Variants in RBBP8NL observed in about 807,000 individuals in gnomAD.
RBBP8NL encodes RBBP8 N-terminal-like protein.
Under a neutral mutation model 62.2 loss-of-function variants are expected in RBBP8NL, and 59 were observed. The ratio of observed to expected loss-of-function variants is 0.95; its 90% CI spans 0.77 to 1.18. The LOEUF (loss-of-function observed/expected upper bound fraction) is 1.18. Among genes scored for constraint, RBBP8NL ranks in the 50% most tolerant of loss-of-function variants. The pLI is 0.00. For synonymous variants in RBBP8NL, 412 were observed against 394.1 expected, an observed-to-expected ratio of 1.05 and a Z score of -0.54; for missense variants, 896 against 899.5, an observed-to-expected ratio of 1.00 and a Z score of 0.05.
intron 1 of RBBP8NL, among the ~76,000 whole-genome samples, chr20:62,425,141 C>G (rs1199741454): frequency 6.6e-6 from 1 of 152,194 alleles, no homozygotes; most frequent in Non-Finnish European, 1.5e-5. Context: ...ACAGGTAATG[C>G]CTGTGTGGCC....
At chr20:62,415,537 G>A (rs370617316) in intron 8 of RBBP8NL, 41 bp downstream of exon 8, 82 of 1,599,068 alleles carry the variant, frequency 5.1e-5, no homozygotes, top group East Asian at 2.0e-4. Flanking sequence ...TGCCTGCGCC[G>A]GCCCAGCTGC....
chr20:62,417,392 TG>T (rs916633472), intron 3 of RBBP8NL, 73 bp from the exon 4 acceptor site: 13 of 1,244,594 alleles, frequency 1.0e-5, no homozygotes, highest in African/African-American at 6.3e-5. Context: ...CCATCCAGCC[TG>T]GGGGGGCAGC....
intron 1 of RBBP8NL, among the ~76,000 whole-genome samples, chr20:62,420,546 C>A (rs61256271): frequency 0.023 from 3,519 of 152,186 alleles, 152 homozygotes; most frequent in African/African-American, 0.08. Context: ...ACACATACAA[C>A]ACATATGTAC....
rs924101524 is a variant in RBBP8NL at position 62,416,982 on chromosome 20, T to G, written c.201-110A>C. The G allele has an allele frequency of 5.8e-6, 5 of 868,860 alleles. No individual in the cohort carries two copies. The African/African-American group carries it at 6.7e-5, about 12-fold the overall frequency. The allele number at this position is 868,860 out of a possible 1,614,324, so 53.8% of individuals were successfully genotyped here. ...AGTGCCCCTGCCCTTTGCAAACTAT[T>G]CCGTAGAGCCCCAGGCCTCTTCCCA... On this transcript the variant is annotated intron_variant, in intron 4 of 13. Coordinates refer to ENST00000252998, the MANE Select transcript of RBBP8NL (RefSeq NM_080833.3).
chr20:62,411,787 C>A (rs992359019), intron 13 of RBBP8NL, among the ~76,000 whole-genome samples: 2 of 152,248 alleles, frequency 1.3e-5, no homozygotes, highest in Non-Finnish European at 2.9e-5. Context: ...CCCCCCGGGG[C>A]CATTTCCACC....
At chr20:62,412,584 C>G in intron 13 of RBBP8NL, 40 bp downstream of exon 13, 1 of 1,592,746 alleles carries the variant, frequency 6.3e-7, no homozygotes. Flanking sequence ...CTGTGGCTCC[C>G]CTCGCCCCCT....
chr20:62,418,899 A>C (rs1008460975), intron 2 of RBBP8NL, among the ~76,000 whole-genome samples: 1 of 152,106 alleles, frequency 6.6e-6, no homozygotes. Flanking sequence ...GGCTAGCCCC[A>C]GCAGCCCCAC....
At chr20:62,419,115 C>T (rs1229123252) in intron 2 of RBBP8NL, among the ~76,000 whole-genome samples, 1 of 152,136 alleles carries the variant, frequency 6.6e-6, no homozygotes, top group Non-Finnish European at 1.5e-5. Context: ...AGCTCAGTGC[C>T]TTGACATGTT....
At chr20:62,412,004 G>T (rs979373390) in intron 13 of RBBP8NL, among the ~76,000 whole-genome samples, 7 of 152,270 alleles carry the variant, frequency 4.6e-5, no homozygotes, top group Non-Finnish European at 8.8e-5. Context: ...CCCAGCTGGA[G>T]CTGCCATTGA....
At chr20:62,416,283 A>C in intron 5 of RBBP8NL, 47 bp from the exon 6 acceptor site, 6 of 110,640 alleles carry the variant, frequency 5.4e-5, no homozygotes, top group Non-Finnish European at 1.1e-4. Context: ...TGGGGGGGAC[A>C]GGGGCAGGGG....
rs561163261 is a variant in RBBP8NL, at chr20:62,418,787, G to A, written c.62-322C>T. On this transcript the variant is annotated intron_variant, in intron 2 of 13. Coordinates refer to ENST00000252998, the MANE Select transcript of RBBP8NL (RefSeq NM_080833.3). ...TAGAGGGACCGAGGGGCCATTTTGT[G>A]TGTGTGTGTGTGTCATAGCTAGTGT... 2.2e-4 allele frequency among the ~76,000 whole-genome samples: 34 copies of A among 151,642 alleles called. 1 individual carries two copies. In the South Asian group the frequency reaches 6.9e-3, roughly 31 times the overall value.
At position 62,421,992 on chromosome 20, in the gene RBBP8NL, C is replaced by T. The variant is rs370117285; in HGVS notation, c.-83-2262G>A. On this transcript the variant is annotated intron_variant, in intron 1 of 13. Coordinates refer to ENST00000252998, the MANE Select transcript of RBBP8NL (RefSeq NM_080833.3). ...ACCTGAACAACTGTGTCGGCCTCCT[C>T]CCTGCCTGGCCTCCTGCTCAACCTT... Among the ~76,000 whole-genome samples, 70 of 152,314 alleles carry T rather than the reference C, an allele frequency of 4.6e-4. No individual in the cohort carries two copies. In the East Asian group the frequency reaches 8.7e-3, roughly 19 times the overall value.
intron 5 of RBBP8NL, 46 bp from the exon 6 acceptor site, chr20:62,416,282 C>CCG: frequency 4.7e-6 from 1 of 214,796 alleles, no homozygotes. Context: ...TTGGGGGGGA[C>CCG]AGGGGCAGGG....
chr20:62,426,015 AGCGGCAG>A lies in RBBP8NL; in HGVS notation c.-84+1438_-84+1444del, dbSNP rs1569028974. On this transcript the variant is annotated intron_variant, in intron 1 of 13. Transcript: ENST00000252998. ...CAGTGGGAGTGGCAGTGGCAGTGGCAGCGGCAGTGGCATTAGCAGTGGCAGTGGCAGT... is the reference window on the plus strand; with the variant it reads ...CAGTGGGAGTGGCAGTGGCAGTGGCATGGCATTAGCAGTGGCAGTGGCAGT... Among the ~76,000 whole-genome samples, 162 of 58,424 alleles carry A rather than the reference AGCGGCAG, an allele frequency of 2.8e-3. 7 individuals carry two copies. The highest frequency in any genetic ancestry group is 0.016 in the African/African-American group (161 of 10,272). 38.3% of individuals were successfully genotyped at this position (58,424 alleles called of 152,430 possible).
rs768585184 is a variant in RBBP8NL, at chr20:62,416,849, C to T, written c.224G>A (p.Arg75His). The T allele has an allele frequency of 6.4e-6, 10 of 1,573,072 alleles. No homozygotes were observed. The highest frequency in any genetic ancestry group is 1.7e-4 in the Middle Eastern group (1 of 5,886). ...GGCCAGCTCCTGGGTGACCATGCAG[C>T]GGTCGCACAGGCCGGCCCGCAGCCT... Reference protein sequence around the residue: ...ENRLRAGLCDRCMVTQELARK... With the variant: ...ENRLRAGLCDHCMVTQELARK... Residue 75 changes from arginine to histidine, a missense_variant, in exon 5 of 14, where the codon CGC (arginine) becomes CAC (histidine). By Grantham distance (29) the Arg-to-His change is conservative (BLOSUM62 0). Transcript: ENST00000252998.
rs1297531741 is a variant in RBBP8NL at position 62,415,830 on chromosome 20, C to T, written c.502G>A (p.Glu168Lys). 2.5e-6 allele frequency: 4 copies of T among 1,612,418 alleles called. No individual in the cohort carries two copies. The African/African-American group carries it at 5.3e-5, about 22-fold the overall frequency. ...ACGCCCTGGTGGTCTTCCTCAGCCT[C>T]CTCGTGGCCTCCCGGTGGCTTCTCT... is the stretch of plus-strand genomic sequence containing the variant. ...ITEKPPGGHE[E>K]AEEDHQGVGL... The change falls in exon 7 of 14, where the codon GAG (glutamate) becomes AAG (lysine). Residue 168 changes from glutamate (E) to lysine (K), a missense_variant. By Grantham distance (56) the Glu-to-Lys change is moderately conservative. Coordinates refer to ENST00000252998, the MANE Select transcript of RBBP8NL (RefSeq NM_080833.3).
chr20:62,420,352 A>G (rs1250695316), intron 1 of RBBP8NL, among the ~76,000 whole-genome samples: 21 of 86,872 alleles, frequency 2.4e-4, no homozygotes, highest in Admixed American at 1.6e-3. Flanking sequence ...TCCCACAGGC[A>G]CACACACACA....
At chr20:62,421,941 A>G (rs1014581108) in intron 1 of RBBP8NL, among the ~76,000 whole-genome samples, 12 of 152,232 alleles carry the variant, frequency 7.9e-5, no homozygotes, top group Admixed American at 3.9e-4. Flanking sequence ...TGCATACCCA[A>G]CCTACTGTGG....
intron 2 of RBBP8NL, among the ~76,000 whole-genome samples, chr20:62,418,810 T>C (rs943692191): frequency 6.6e-6 from 1 of 152,076 alleles, no homozygotes. Context: ...TCATAGCTAG[T>C]GTTGAAATAA....
Sources: allele counts gnomAD v4.1 joint callset (sites outside exome capture counted in the v4.1 genomes callset), GRCh38; gene constraint gnomAD v4.1.1; transcripts MANE v1.5; gene names NCBI Gene and HGNC (gene_info 2026-07-23, HGNC 2026-07-21).